Variants in BMS1 observed in about 807,000 individuals in gnomAD.
The protein encoded by BMS1 is BMS1 ribosome biogenesis factor.
BMS1 carries 53 observed loss-of-function variants against 138.7 expected under a neutral mutation model. That is an observed-to-expected ratio of 0.38 (90% CI 0.31 to 0.48). The LOEUF (loss-of-function observed/expected upper bound fraction) is 0.48. BMS1 is among the 20% of genes least tolerant of loss of function. The probability of loss-of-function intolerance (pLI) is 0.97; values close to 1 mark genes in which losing one functional copy is unlikely to be tolerated. For synonymous variants in BMS1, 504 were observed against 539.9 expected (o/e 0.93, Z 0.92); for missense variants, 1,360 against 1,565.5 (o/e 0.87, Z 2.22).
In BMS1 at chr10:42,832,375, T is replaced by C. The variant is rs1842815923; in HGVS notation, c.*1279T>C. On this transcript the variant is annotated 3_prime_UTR_variant, in exon 23 of 23. Coordinates refer to ENST00000374518, the MANE Select transcript of BMS1 (RefSeq NM_014753.4). ...GGGAGGTTGAGGCTGCAGTGAGCCA[T>C]GATAGCACCACTGCACTCCAGCCTG... 6.6e-6 allele frequency: 1 copy of C among 151,662 alleles called. No homozygotes were observed. The allele number at this position is 151,662 out of a possible 1,614,324, so 9.4% of individuals were successfully genotyped here.
rs1842564615 is a variant in BMS1 at position 42,823,707 on chromosome 10, T to C, written c.3379T>C (p.Ser1127Pro). 6.3e-7 allele frequency: 1 copy of C among 1,596,084 alleles called. No homozygotes were observed. Among genetic ancestry groups the C allele is most frequent in the East Asian group, 2.2e-5 (1 of 44,858 alleles). ...ACCAGTGGGTGAGAAAGACACCTGG[T>C]CAGGAATGCGGACCACGGGCCAACT... is the stretch of plus-strand genomic sequence containing the variant. ...LKPVGEKDTW[S>P]GMRTTGQLRL... The change falls in exon 21 of 23, where the codon TCA becomes CCA. Residue 1127 changes from serine to proline, a missense_variant. Physicochemically the swap from Ser to Pro is moderately conservative, Grantham distance 74. This residue lies in a region of BMS1 where 425 missense variants were observed against 568.3 expected (regional missense o/e 0.75). Transcript: ENST00000374518.
chr10:42,815,790 C>G lies in BMS1; in HGVS notation c.2330-809C>G, dbSNP rs1427234041. Among the ~76,000 whole-genome samples the G allele has an allele frequency of 2.0e-5, 3 of 152,204 alleles. No individual in the cohort carries two copies. The South Asian group carries it at 6.2e-4, about 32-fold the overall frequency. On this transcript the variant is annotated intron_variant, in intron 13 of 22. Transcript: ENST00000374518. ...GAAGGAATGAATGAGTGAATAAGCT[C>G]TTCCCATGGGTTTGGTGTGGTTTGG...
rs779162489 is a variant in BMS1, at chr10:42,798,608, G to A, written c.2230G>A (p.Asp744Asn). ...CAGATTTCTTGTGGAGGCCCCCCATGACTGGGATTTAGAGGAGGTAAGTCT... is the reference window on the plus strand; with the variant it reads ...CAGATTTCTTGTGGAGGCCCCCCATAACTGGGATTTAGAGGAGGTAAGTCT... ...CSRFLVEAPH[D>N]WDLEEVMNSI... is the part of the protein sequence containing the mutation. Residue 744 changes from aspartate (D) to asparagine (N), a missense_variant, in exon 12 of 23, where the codon GAC becomes AAC. Around this residue, in one of 3 missense-constraint regions of BMS1, gnomAD observed 697 missense variants for 686.2 expected, o/e 1.02. Coordinates refer to ENST00000374518, the MANE Select transcript of BMS1 (RefSeq NM_014753.4). 1.2e-6 allele frequency: 2 copies of A among 1,614,248 alleles called. No individual in the cohort carries two copies. The highest frequency in any genetic ancestry group is 1.7e-6 in the Non-Finnish European group (2 of 1,180,038).
chr10:42,818,837 G>T (rs1015331332), intron 15 of BMS1, among the ~76,000 whole-genome samples: 1 of 152,192 alleles, frequency 6.6e-6, no homozygotes, highest in African/African-American at 2.4e-5. Context: ...GATTGTGGCC[G>T]TGAGTCCTGA....
intron 4 of BMS1, among the ~76,000 whole-genome samples, chr10:42,788,215 G>A (rs1841396449): frequency 2.0e-5 from 3 of 152,104 alleles, no homozygotes; most frequent in South Asian, 2.1e-4. Flanking sequence ...TATTATTAAC[G>A]TAGTGTAAGC....
At chr10:42,823,581 T>C (rs755474308) in intron 20 of BMS1, 28 bp from the exon 21 acceptor site, 1 of 1,493,312 alleles carries the variant, frequency 6.7e-7, no homozygotes, top group East Asian at 2.4e-5. Flanking sequence ...CTTTTGAAAA[T>C]GTTAAAGTAA....
chr10:42,817,425 T>G lies in BMS1; in HGVS notation c.2511T>G (p.Asp837Glu). The G allele has an allele frequency of 6.2e-7, 1 of 1,609,344 alleles. No homozygotes were observed. Among genetic ancestry groups the G allele is most frequent in the Non-Finnish European group, 8.5e-7 (1 of 1,179,292 alleles). Residue 837 changes from aspartate to glutamate, a missense_variant, in exon 15 of 23, where the codon GAT (aspartate) becomes GAG (glutamate). Around this residue, in one of 3 missense-constraint regions of BMS1, gnomAD observed 425 missense variants for 568.3 expected, o/e 0.75. Coordinates refer to ENST00000374518, the MANE Select transcript of BMS1 (RefSeq NM_014753.4). The part of the protein sequence containing the change: ...DKKRKLKEMF[D>E]AEYDEGESTY... ...AGAGAAAATTGAAGGAGATGTTTGA[T>G]GCAGAATATGATGAAGGAGAAAGCA...
chr10:42,806,936 G>A (rs1842029952), intron 13 of BMS1, among the ~76,000 whole-genome samples: 1 of 152,100 alleles, frequency 6.6e-6, no homozygotes, highest in African/African-American at 2.4e-5. Context: ...GTGTATATAT[G>A]TACTATGTAT....
At chr10:42,792,638 C>A in intron 7 of BMS1, 24 bp downstream of exon 7, 3 of 1,597,012 alleles carry the variant, frequency 1.9e-6, no homozygotes, top group Non-Finnish European at 2.5e-6. Context: ...GTAGAACATA[C>A]TAGAATTACA....
Position 42,823,789 on chromosome 10 carries a change from T to C in BMS1, c.3456+5T>C. 1 of 1,563,376 alleles carries C rather than the reference T, an allele frequency of 6.4e-7. No individual in the cohort carries two copies. The highest frequency in any genetic ancestry group is 8.6e-7 in the Non-Finnish European group (1 of 1,164,548). On this transcript the variant is annotated splice_donor_5th_base_variant and intron_variant, in intron 21 of 22. Coordinates refer to ENST00000374518, the MANE Select transcript of BMS1 (RefSeq NM_014753.4). ...AACAAGGACTCTCTGTATAAGGTAC[T>C]GGTCGCGTGTGTGTTAGTGGAGATG...
chr10:42,790,475 G>A lies in BMS1; in HGVS notation c.600G>A (p.Lys200=). The A allele has an allele frequency of 6.2e-7, 1 of 1,613,942 alleles. No individual in the cohort carries two copies. The highest frequency in any genetic ancestry group is 8.5e-7 in the Non-Finnish European group (1 of 1,179,860). The change falls in exon 5 of 23, where the codon AAG becomes AAA. Residue 200 remains lysine, a synonymous_variant. Coordinates refer to ENST00000374518, the MANE Select transcript of BMS1 (RefSeq NM_014753.4). ...KHNKQLKKTK[K]RLKHRFWTEV... The stretch of plus-strand genomic sequence containing the variant: ...ATAAGCAACTGAAGAAGACAAAGAA[G>A]CGATTAAAACACAGGTTCTGGACGG...
chr10:42,827,954 A>G (rs1255600875), intron 21 of BMS1, among the ~76,000 whole-genome samples: 2 of 152,166 alleles, frequency 1.3e-5, no homozygotes, highest in African/African-American at 2.4e-5. Flanking sequence ...GCTAATTTCT[A>G]TTAAAGCAAT....
rs1842809811 is a variant in BMS1, at chr10:42,832,003, CAGT to C, written c.*908_*910del. 1 of 152,164 alleles carries C rather than the reference CAGT, an allele frequency of 6.6e-6. No individual in the cohort carries two copies. The highest frequency in any genetic ancestry group is 6.5e-5 in the Admixed American group (1 of 15,284). 9.4% of individuals were successfully genotyped at this position (152,164 alleles called of 1,614,324 possible). The stretch of plus-strand genomic sequence containing the variant: ...GTTGTATATTTTGCCCAATTTCTCT[CAGT>C]GGTAATGTTTCACACATATAACAAT... On this transcript the variant is annotated 3_prime_UTR_variant, in exon 23 of 23. Coordinates refer to ENST00000374518, the MANE Select transcript of BMS1 (RefSeq NM_014753.4).
chr10:42,788,354 T>A (rs1232288015), intron 4 of BMS1, among the ~76,000 whole-genome samples: 1 of 152,194 alleles, frequency 6.6e-6, no homozygotes, highest in Non-Finnish European at 1.5e-5. Context: ...TACTTTTTTT[T>A]ATTTTTAATT....
At chr10:42,785,176 A>G (rs1841288064) in intron 2 of BMS1, among the ~76,000 whole-genome samples, 1 of 152,226 alleles carries the variant, frequency 6.6e-6, no homozygotes, top group Non-Finnish European at 1.5e-5. Context: ...TTTTTAAAAA[A>G]CTATTAAAAT....
At chr10:42,795,816 T>G (rs1841665750) in intron 9 of BMS1, among the ~76,000 whole-genome samples, 2 of 152,258 alleles carry the variant, frequency 1.3e-5, no homozygotes, top group African/African-American at 4.8e-5. Context: ...ATGTTCTTCC[T>G]CTGTCATTCC....
intron 13 of BMS1, among the ~76,000 whole-genome samples, chr10:42,816,106 C>T (rs1842339925): frequency 6.6e-6 from 1 of 152,044 alleles, no homozygotes; most frequent in Non-Finnish European, 1.5e-5. Flanking sequence ...TCGAGACCAG[C>T]CTGGCCAATT....
chr10:42,829,297 C>T (rs10900275), intron 21 of BMS1, among the ~76,000 whole-genome samples: 24,306 of 151,408 alleles, frequency 0.16, 2,578 homozygotes, highest in East Asian at 0.43. Flanking sequence ...GGCGACAGAG[C>T]GAGACTCCAT....
intron 13 of BMS1, among the ~76,000 whole-genome samples, chr10:42,803,656 TCACC>T (rs1841936710): frequency 6.6e-6 from 1 of 152,188 alleles, no homozygotes; most frequent in African/African-American, 2.4e-5. Context: ...CTGACTATTC[TCACC>T]TTCTCACTTG....
Sources: allele counts gnomAD v4.1 joint callset (sites outside exome capture counted in the v4.1 genomes callset), GRCh38; gene constraint gnomAD v4.1.1; regional missense constraint gnomAD v4.1.1; transcripts MANE v1.5; gene names NCBI Gene and HGNC (gene_info 2026-07-23, HGNC 2026-07-21).